Variants in JARID2 observed in about 807,000 individuals in gnomAD.
JARID2 encodes the protein jumonji and AT-rich interaction domain containing 2.
JARID2 carries 21 observed loss-of-function variants against 125.6 expected under a neutral mutation model. That is an observed-to-expected ratio of 0.17 (90% CI 0.12 to 0.24). JARID2 has a LOEUF of 0.24. JARID2 is among the 10% of genes least tolerant of loss of function. The pLI, the probability that JARID2 is intolerant of heterozygous loss-of-function variation, is 1.00. For synonymous variants in JARID2, 736 were observed against 661.6 expected, an observed-to-expected ratio of 1.11 and a Z score of -1.73; for missense variants, 1,303 against 1,639.6, an observed-to-expected ratio of 0.79 and a Z score of 3.55.
intron 7 of JARID2, among the ~76,000 whole-genome samples, chr6:15,499,315 C>T (rs772654635): frequency 3.9e-5 from 6 of 152,176 alleles, no homozygotes; most frequent in African/African-American, 1.2e-4. Context: ...GCCGCCGTGC[C>T]GCTGGCGGGA....
At chr6:15,246,615 T>A in intron 1 of JARID2, 31 bp downstream of exon 1, 4 of 1,586,356 alleles carry the variant, frequency 2.5e-6, no homozygotes, top group Non-Finnish European at 3.5e-6. Flanking sequence ...ATCCTTTGAC[T>A]TGCAGTTTTA....
intron 4 of JARID2, among the ~76,000 whole-genome samples, chr6:15,455,566 C>G (rs1768125389): frequency 6.6e-6 from 1 of 152,150 alleles, no homozygotes; most frequent in South Asian, 2.1e-4. Context: ...GAGTCTCACT[C>G]TGTCGCCCAG....
chr6:15,385,434 G>C (rs1428799185), intron 2 of JARID2, among the ~76,000 whole-genome samples: 1 of 152,030 alleles, frequency 6.6e-6, no homozygotes, highest in African/African-American at 2.4e-5. Context: ...TTGTAGTACT[G>C]TGAGGGAGGG....
chr6:15,420,433 T>G (rs1415282066), intron 3 of JARID2, among the ~76,000 whole-genome samples: 1 of 152,132 alleles, frequency 6.6e-6, no homozygotes, highest in Non-Finnish European at 1.5e-5. Context: ...TTTTGGTCTT[T>G]CCATAATCTT....
chr6:15,480,374 A>G (rs1366855639), intron 5 of JARID2, among the ~76,000 whole-genome samples: 2 of 152,180 alleles, frequency 1.3e-5, no homozygotes, highest in Non-Finnish European at 1.5e-5. Context: ...CATACACTGC[A>G]TAATTCCAGG....
chr6:15,373,977 G>T, intron 1 of JARID2, 140 bp from the exon 2 acceptor site: 1 of 869,900 alleles, frequency 1.1e-6, no homozygotes, highest in Non-Finnish European at 1.8e-6. Flanking sequence ...TTACCTTATG[G>T]GTGTAATTCT....
chr6:15,263,143 G>A (rs1014170984), intron 1 of JARID2, among the ~76,000 whole-genome samples: 5 of 150,124 alleles, frequency 3.3e-5, no homozygotes, highest in Non-Finnish European at 7.4e-5. Flanking sequence ...TTTCCTTACT[G>A]CCTGTCACTC....
chr6:15,494,994 A>C (rs973787639), intron 6 of JARID2, among the ~76,000 whole-genome samples: 1 of 152,140 alleles, frequency 6.6e-6, no homozygotes, highest in African/African-American at 2.4e-5. Flanking sequence ...TGTGATTTTT[A>C]GGCTTCTTCC....
chr6:15,360,233 A>G (rs1763745263), intron 1 of JARID2, among the ~76,000 whole-genome samples: 1 of 152,052 alleles, frequency 6.6e-6, no homozygotes, highest in East Asian at 1.9e-4. Context: ...CCCAGGCTGA[A>G]GTGCAGTGGC....
intron 1 of JARID2, among the ~76,000 whole-genome samples, chr6:15,345,502 AAG>A (rs1378641760): frequency 6.6e-6 from 1 of 152,214 alleles, no homozygotes; most frequent in Non-Finnish European, 1.5e-5. Flanking sequence ...GTAATTGAGA[AAG>A]AGCTTTTGAT....
chr6:15,394,420 G>A (rs1050832882), intron 2 of JARID2, among the ~76,000 whole-genome samples: 3 of 152,212 alleles, frequency 2.0e-5, no homozygotes, highest in Non-Finnish European at 2.9e-5. Flanking sequence ...GCAGCTTGGC[G>A]AAACACCATC....
chr6:15,505,403 C>T (rs1770956173), intron 9 of JARID2: 2 of 146,166 alleles, frequency 1.4e-5, no homozygotes, highest in Admixed American at 6.9e-5. Context: ...AATCCAAGGT[C>T]GGTTTGCCCC....
chr6:15,367,805 C>G (rs922711229), intron 1 of JARID2, among the ~76,000 whole-genome samples: 1 of 152,172 alleles, frequency 6.6e-6, no homozygotes, highest in Non-Finnish European at 1.5e-5. Context: ...TCCTGCTTCC[C>G]CAGGAGAGGT....
intron 7 of JARID2, among the ~76,000 whole-genome samples, chr6:15,499,307 C>T (rs570043708): frequency 2.0e-4 from 30 of 152,320 alleles, no homozygotes; most frequent in South Asian, 1.0e-3. Context: ...CCCAGGGAGC[C>T]GCCGTGCCGC....
intron 5 of JARID2, among the ~76,000 whole-genome samples, chr6:15,485,249 G>C (rs1038653285): frequency 1.3e-5 from 2 of 152,120 alleles, no homozygotes; most frequent in African/African-American, 4.8e-5. Context: ...TGAGATAAAG[G>C]CTCACAACCG....
intron 6 of JARID2, among the ~76,000 whole-genome samples, chr6:15,490,177 C>T (rs1301344946): frequency 2.0e-5 from 3 of 152,170 alleles, no homozygotes; most frequent in African/African-American, 7.2e-5. Context: ...AGTGATTAGA[C>T]TGTGACCTTT....
chr6:15,504,422 C>T (rs1448412448), intron 8 of JARID2, 78 bp from the exon 9 acceptor site: 1 of 1,047,778 alleles, frequency 9.5e-7, no homozygotes, highest in African/African-American at 1.6e-5. Context: ...GGCAGCGGCC[C>T]ATGACAGGTG....
intron 3 of JARID2, among the ~76,000 whole-genome samples, chr6:15,420,398 A>G (rs985362602): frequency 4.4e-5 from 5 of 113,644 alleles, no homozygotes; most frequent in Non-Finnish European, 7.7e-5. Flanking sequence ...GCAAGACTCC[A>G]TAAAAAAAAA....
intron 14 of JARID2, 26 bp downstream of exon 14, chr6:15,512,416 T>A (rs1193233275): frequency 1.2e-6 from 2 of 1,608,754 alleles, no homozygotes; most frequent in South Asian, 2.2e-5. Context: ...CTCCTCCCGC[T>A]TGCTGCCCCC....
Sources: gnomAD v4.1 joint callset for allele counts (sites outside exome capture counted in the v4.1 genomes callset) on GRCh38, gnomAD v4.1.1 for gene constraint, MANE v1.5 for transcripts, NCBI Gene and HGNC (gene_info 2026-07-23, HGNC 2026-07-21) for gene names.